ETS2: variants seen among roughly 807,000 people sequenced by gnomAD.
ETS2 encodes the protein protein C-ets-2.
Under a neutral mutation model 54.9 loss-of-function variants are expected in ETS2, and 19 were observed. The ratio of observed to expected loss-of-function variants is 0.35; its 90% CI spans 0.24 to 0.51. The LOEUF (loss-of-function observed/expected upper bound fraction) is 0.51. ETS2 is among the 20% of genes least tolerant of loss of function. The pLI, the probability that ETS2 is intolerant of heterozygous loss-of-function variation, is 0.97. For missense variants in ETS2, 417 were observed against 593.0 expected, an observed-to-expected ratio of 0.70 and a Z score of 3.08; for synonymous variants, 219 against 229.3, an observed-to-expected ratio of 0.95 and a Z score of 0.41.
chr21:38,813,189 C>A, intron 3 of ETS2, 75 bp downstream of exon 3: 1 of 917,508 alleles, frequency 1.1e-6, no homozygotes, highest in Non-Finnish European at 1.8e-6. Flanking sequence ...GATGACAGTT[C>A]CTAAGTGAGA....
Position 38,814,158 on chromosome 21 carries a change from G to C in ETS2, c.185-115G>C, listed in dbSNP as rs569381364. On this transcript the variant is annotated intron_variant, in intron 3 of 9. Transcript: ENST00000360938. The surrounding 1 kb of genome is among the most constrained non-coding windows in gnomAD (Gnocchi z 4.2). ...TAGTTACACTGTTTTAAGGAATCAT[G>C]CCAAGGTTTGAGATCAAAATTGTTC... 16 of 1,061,914 alleles carry C rather than the reference G, an allele frequency of 1.5e-5. No homozygotes were observed. Among genetic ancestry groups the C allele is most frequent in the Non-Finnish European group, 2.2e-5 (16 of 716,774 alleles). 65.8% of individuals were successfully genotyped at this position (1,061,914 alleles called of 1,614,324 possible).
At position 38,824,008 on chromosome 21, in the gene ETS2, G is replaced by A. The variant is rs1198640371; in HGVS notation, c.*1119G>A. The A allele has an allele frequency of 3.3e-5, 5 of 152,462 alleles. No individual in the cohort carries two copies. The highest frequency in any genetic ancestry group is 7.4e-5 in the Non-Finnish European group (5 of 68,020). 9.4% of individuals were successfully genotyped at this position (152,462 alleles called of 1,614,324 possible). Reference sequence around the variant, plus strand: ...GCAACTCCTTTTCAGAGATCAGGAGGGATTTATGTAGCAGCTATTTTTACT... The same window carrying A: ...GCAACTCCTTTTCAGAGATCAGGAGAGATTTATGTAGCAGCTATTTTTACT... On this transcript the variant is annotated 3_prime_UTR_variant, in exon 10 of 10. Transcript: ENST00000360938.
At chr21:38,809,647 C>A in intron 1 of ETS2, 1 of 194,570 alleles carries the variant, frequency 5.1e-6, no homozygotes. Flanking sequence ...CCCACTGCCC[C>A]ACTGTACCCA....
intron 5 of ETS2, among the ~76,000 whole-genome samples, chr21:38,816,729 C>T (rs1354271316): frequency 2.0e-5 from 3 of 152,200 alleles, no homozygotes; most frequent in Non-Finnish European, 4.4e-5. Flanking sequence ...TGAATGAATT[C>T]AATACACCAT....
Position 38,823,747 on chromosome 21 carries a change from G to A in ETS2, c.*858G>A, listed in dbSNP as rs978604195. ...TTATCTGGGCTTATATCTGGCCTCT[G>A]CTTTCTCCTTTAATTGTAAAGTAAA... On this transcript the variant is annotated 3_prime_UTR_variant, in exon 10 of 10. Coordinates refer to ENST00000360938, the MANE Select transcript of ETS2 (RefSeq NM_005239.6). The A allele has an allele frequency of 6.6e-6, 1 of 152,556 alleles. No individual in the cohort carries two copies. The highest frequency in any genetic ancestry group is 2.4e-5 in the African/African-American group (1 of 41,424). 9.5% of individuals were successfully genotyped at this position (152,556 alleles called of 1,614,324 possible).
chr21:38,818,550 T>G lies in ETS2; in HGVS notation c.715T>G (p.Phe239Val), dbSNP rs2060944587. Residue 239 changes from phenylalanine (F) to valine (V), a missense_variant, in exon 7 of 10, where the codon TTC (phenylalanine) becomes GTC (valine). Physicochemically the swap from Phe to Val is conservative, Grantham distance 50 (BLOSUM62 -1). Around this residue, in one of 3 missense-constraint regions of ETS2, gnomAD observed 326 missense variants for 426.1 expected, o/e 0.76. Transcript: ENST00000360938. ...VLSSEQEFQM[F>V]PKSRLSSVSV... is the part of the protein sequence containing the mutation. ...CAGCTCTGAGCAGGAGTTTCAGATG[T>G]TCCCCAAGTCTCGGCTCAGCTCCGT... 2 of 1,614,134 alleles carry G rather than the reference T, an allele frequency of 1.2e-6. No individual in the cohort carries two copies. Among genetic ancestry groups the G allele is most frequent in the African/African-American group, 2.7e-5 (2 of 75,000 alleles).
At chr21:38,816,986 G>A (rs368261290) in intron 5 of ETS2, 22 bp from the exon 6 acceptor site, 59 of 1,418,270 alleles carry the variant, frequency 4.2e-5, no homozygotes, top group African/African-American at 2.7e-4. Flanking sequence ...GCCATCTTAC[G>A]TCTCCTGTGT....
At chr21:38,805,578 G>T, upstream of ETS2, 1 of 1,277,988 alleles carries the variant, frequency 7.8e-7, no homozygotes, top group Non-Finnish European at 1.0e-6. This position sits in a 1 kb window ranked among gnomAD's most constrained non-coding sequence, Gnocchi z 5.2. Context: ...GCCAGCCGGC[G>T]AGGGACCCAG....
rs2060890840 is a variant in ETS2 at position 38,806,016 on chromosome 21, C to T, written c.-105C>T. On this transcript the variant is annotated 5_prime_UTR_variant, in exon 1 of 10. Coordinates refer to ENST00000360938, the MANE Select transcript of ETS2 (RefSeq NM_005239.6). The surrounding 1 kb of genome is among the most constrained non-coding windows in gnomAD (Gnocchi z 4.3). ...CCGGCCAGCGTCCGGCCTCCCTGAT[C>T]GTCTCTGGCCGGCGCCCTCGCCCTC... is the stretch of plus-strand genomic sequence containing the variant. The T allele has an allele frequency of 5.6e-6, 7 of 1,239,790 alleles. No individual in the cohort carries two copies. The highest frequency in any genetic ancestry group is 2.8e-5 in the Admixed American group (1 of 36,118). 76.8% of individuals were successfully genotyped at this position (1,239,790 alleles called of 1,614,324 possible).
chr21:38,805,683 C>G, upstream of ETS2: 1 of 1,171,678 alleles, frequency 8.5e-7, no homozygotes, highest in Middle Eastern at 3.9e-4. The surrounding 1 kb of genome is among the most constrained non-coding windows in gnomAD (Gnocchi z 5.2). Flanking sequence ...CTTCTCTCCC[C>G]TCGTGCGTTC....
upstream of ETS2, chr21:38,805,843 T>C: frequency 1.2e-6 from 1 of 833,384 alleles, no homozygotes. This position sits in a 1 kb window ranked among gnomAD's most constrained non-coding sequence, Gnocchi z 5.2. Flanking sequence ...TTTCCTCCCC[T>C]CCCCTCCACT....
In ETS2 at chr21:38,806,652, G is replaced by C; in HGVS notation, c.-1+532G>C. 2.0e-6 allele frequency: 2 copies of C among 985,442 alleles called. No individual in the cohort carries two copies. The highest frequency in any genetic ancestry group is 2.4e-6 in the Non-Finnish European group (2 of 829,954). 61.0% of individuals were successfully genotyped at this position (985,442 alleles called of 1,614,324 possible). On this transcript the variant is annotated intron_variant, in intron 1 of 9. Transcript: ENST00000360938. This position sits in a 1 kb window ranked among gnomAD's most constrained non-coding sequence, Gnocchi z 4.3. ...GGCTGCGGCACCGCGGGAACCTGCG[G>C]GGCGCGGGGTGCCATGGTCACCTGC...
At position 38,814,763 on chromosome 21, in the gene ETS2, TTTC is replaced by T. The variant is rs1469654908; in HGVS notation, c.305-13_305-11del. 1.9e-6 allele frequency: 3 copies of T among 1,611,610 alleles called. No homozygotes were observed. The African/African-American group carries it at 4.0e-5, about 22-fold the overall frequency. Reference sequence around the variant, plus strand: ...TGTTTTTACCTCATGTGTTCCATTTTTTCTTCTCTCCTGGTAGACCCCTGGCTG... The same window carrying T: ...TGTTTTTACCTCATGTGTTCCATTTTTTCTCTCCTGGTAGACCCCTGGCTG... On this transcript the variant is annotated splice_polypyrimidine_tract_variant and intron_variant, in intron 4 of 9. Coordinates refer to ENST00000360938, the MANE Select transcript of ETS2 (RefSeq NM_005239.6). This position sits in a 1 kb window ranked among gnomAD's most constrained non-coding sequence, Gnocchi z 4.2.
At chr21:38,818,957 A>G (rs1316941510) in intron 7 of ETS2, among the ~76,000 whole-genome samples, 2 of 152,240 alleles carry the variant, frequency 1.3e-5, no homozygotes, top group Non-Finnish European at 2.9e-5. Flanking sequence ...AATACAGTGC[A>G]CAAGTCTCAG....
intron 9 of ETS2, 124 bp from the exon 10 acceptor site, chr21:38,822,550 T>G: frequency 1.3e-6 from 1 of 796,496 alleles, no homozygotes; most frequent in Non-Finnish European, 2.0e-6. Flanking sequence ...CTGCGGACCT[T>G]GTGTAGGTGT....
chr21:38,810,186 C>A (rs2123408372), intron 2 of ETS2, 80 bp downstream of exon 2: 1 of 815,430 alleles, frequency 1.2e-6, no homozygotes, highest in South Asian at 1.9e-5. Context: ...GCCTGGGTCC[C>A]AGAAAACTGG....
Position 38,806,629 on chromosome 21 carries a change from C to T in ETS2, c.-1+509C>T. 2 of 985,276 alleles carry T rather than the reference C, an allele frequency of 2.0e-6. No individual in the cohort carries two copies. Among genetic ancestry groups the T allele is most frequent in the Non-Finnish European group, 2.4e-6 (2 of 829,908 alleles). The allele number at this position is 985,276 out of a possible 1,614,324, so 61.0% of individuals were successfully genotyped here. A position where few individuals can be genotyped will look rare whatever the true frequency, so the allele number is the denominator to read the frequency against. On this transcript the variant is annotated intron_variant, in intron 1 of 9. Transcript: ENST00000360938. The surrounding 1 kb of genome is among the most constrained non-coding windows in gnomAD (Gnocchi z 4.3). The stretch of plus-strand genomic sequence containing the variant: ...CTGGGGCGCCCAAGACACCTGAAGG[C>T]TGCGGCACCGCGGGAACCTGCGGGG...
chr21:38,819,534 C>T lies in ETS2; in HGVS notation c.843C>T (p.Asn281=), dbSNP rs201143455. Residue 281 remains asparagine, a synonymous_variant, in exon 8 of 10, where the codon AAC becomes AAT. Coordinates refer to ENST00000360938, the MANE Select transcript of ETS2 (RefSeq NM_005239.6). ...GTPKDHDSPE[N]GADSFESSDS... ...CCAAAGACCACGACTCCCCTGAGAA[C>T]GGTGCGGACAGCTTCGAGAGCTCAG... 86 of 1,614,158 alleles carry T rather than the reference C, an allele frequency of 5.3e-5. No individual in the cohort carries two copies. The highest frequency in any genetic ancestry group is 2.1e-4 in the South Asian group (19 of 91,088).
intron 2 of ETS2, among the ~76,000 whole-genome samples, chr21:38,811,455 G>T (rs1277155778): frequency 6.6e-6 from 1 of 152,080 alleles, no homozygotes; most frequent in Non-Finnish European, 1.5e-5. Flanking sequence ...TCATTGTTCT[G>T]CATTTCTAAA....
Sources: allele counts gnomAD v4.1 joint callset (sites outside exome capture counted in the v4.1 genomes callset), GRCh38; gene constraint gnomAD v4.1.1; regional missense constraint gnomAD v4.1.1; non-coding constraint Gnocchi (gnomAD v3.1); transcripts MANE v1.5; gene names NCBI Gene and HGNC (gene_info 2026-07-23, HGNC 2026-07-21).